The following CCDC66 variants were observed in gnomAD, a reference collection of about 807,000 sequenced individuals.
CCDC66 encodes coiled-coil domain containing 66.
A neutral mutation model predicts 128.3 loss-of-function variants in CCDC66; 133 were observed. The ratio of observed to expected loss-of-function variants is 1.04; its 90% CI spans 0.90 to 1.20. The LOEUF (loss-of-function observed/expected upper bound fraction) is 1.20, where lower values mean the gene tolerates loss of function less well. CCDC66 is among the 50% of genes most tolerant of loss of function. The pLI is 0.00. For synonymous variants in CCDC66, 387 were observed against 357.0 expected (o/e 1.08, Z -0.95); for missense variants, 1,126 against 1,075.5 (o/e 1.05, Z -0.66).
intron 7 of CCDC66, among the ~76,000 whole-genome samples, chr3:56,582,849 TTTATTATTA>T (rs66485521): frequency 0.06 from 8,022 of 134,816 alleles, 286 homozygotes; most frequent in East Asian, 0.1. Context: ...CTCAACTTTC[TTTATTATTA>T]TTATTATTAT....
intron 10 of CCDC66, among the ~76,000 whole-genome samples, chr3:56,602,044 T>C (rs1245530870): frequency 3.3e-5 from 5 of 152,064 alleles, no homozygotes; most frequent in African/African-American, 7.3e-5. Context: ...CCTTGCCTTT[T>C]GCCGTTTTTC....
intron 10 of CCDC66, among the ~76,000 whole-genome samples, chr3:56,596,848 A>G (rs1436413186): frequency 6.9e-6 from 1 of 145,762 alleles, no homozygotes. Flanking sequence ...TCCACCTCCC[A>G]GGTTCAAGCA....
At chr3:56,575,734 T>G (rs889470160) in intron 7 of CCDC66, among the ~76,000 whole-genome samples, 2 of 151,886 alleles carry the variant, frequency 1.3e-5, no homozygotes, top group African/African-American at 4.8e-5. Context: ...GTCTTTGATC[T>G]ATTTTGAATT....
chr3:56,571,260 T>C lies in CCDC66; in HGVS notation c.894T>C (p.Asp298=), dbSNP rs763309882. The change falls in exon 7 of 18, where the codon GAT becomes GAC. Residue 298 remains aspartate (D), a synonymous_variant. Transcript: ENST00000394672. ...WNDPWKKSES[D]KIIWEKHQIL... is the part of the protein sequence containing the mutation. ...ATCCTTGGAAAAAATCTGAAAGTGATAAAATAATATGGGAAAAACATCAAA... is the reference window on the plus strand; with the variant it reads ...ATCCTTGGAAAAAATCTGAAAGTGACAAAATAATATGGGAAAAACATCAAA... 2 of 1,544,360 alleles carry C rather than the reference T, an allele frequency of 1.3e-6. No homozygotes were observed. Among genetic ancestry groups the C allele is most frequent in the South Asian group, 2.4e-5 (2 of 84,436 alleles).
At chr3:56,589,330 C>G (rs1351525097) in intron 7 of CCDC66, among the ~76,000 whole-genome samples, 1 of 152,048 alleles carries the variant, frequency 6.6e-6, no homozygotes, top group Non-Finnish European at 1.5e-5. Context: ...ACTCCAGAAC[C>G]AAATGTGTTT....
Position 56,600,152 on chromosome 3 carries a change from T to C in CCDC66, c.1404+6124T>C, listed in dbSNP as rs2072899735. On this transcript the variant is annotated intron_variant, in intron 10 of 17. Coordinates refer to ENST00000394672, the MANE Select transcript of CCDC66 (RefSeq NM_001141947.3). ...ATAAACATACATGTGCACTTATCTT[T>C]TTTTTTTTTTTTTTTGAGACAGAGT... Among the ~76,000 whole-genome samples, 6 of 53,144 alleles carry C rather than the reference T, an allele frequency of 1.1e-4. No individual in the cohort carries two copies. The South Asian group carries it at 3.1e-3, about 28-fold the overall frequency. The allele number at this position is 53,144 out of a possible 152,430, so 34.9% of individuals were successfully genotyped here.
chr3:56,576,156 TAATG>T (rs1352778519), intron 7 of CCDC66, among the ~76,000 whole-genome samples: 1 of 151,724 alleles, frequency 6.6e-6, no homozygotes, highest in East Asian at 2.0e-4. Context: ...GTCTTCCAAT[TAATG>T]AATGCAGGAT....
intron 7 of CCDC66, among the ~76,000 whole-genome samples, chr3:56,592,303 C>T (rs1249193227): frequency 6.6e-6 from 1 of 152,166 alleles, no homozygotes; most frequent in African/African-American, 2.4e-5. Flanking sequence ...AAATGTAAAA[C>T]AATATTCATC....
chr3:56,571,011 T>G (rs957308556), intron 6 of CCDC66, among the ~76,000 whole-genome samples, 170 bp from the exon 7 acceptor site: 2 of 152,264 alleles, frequency 1.3e-5, no homozygotes, highest in East Asian at 1.9e-4. Flanking sequence ...AAATTTTTTC[T>G]TATTCTGTGT....
rs1448457538 is a variant in CCDC66 at position 56,614,714 on chromosome 3, C to CACAT, written c.1567-413_1567-410dup. ...ACTCCAAAATTGGCTGGTAAAGGGA[C>CACAT]ACATGGTCTGGGTTCCAGTTTCATT... is the stretch of plus-strand genomic sequence containing the variant. On this transcript the variant is annotated intron_variant, in intron 11 of 17. Transcript: ENST00000394672. Among the ~76,000 whole-genome samples, 4 of 152,194 alleles carry CACAT rather than the reference C, an allele frequency of 2.6e-5. No homozygotes were observed. In the South Asian group the frequency reaches 8.3e-4, roughly 31 times the overall value.
intron 17 of CCDC66, chr3:56,620,872 G>C (rs1168944195): frequency 2.6e-5 from 4 of 152,688 alleles, no homozygotes; most frequent in Admixed American, 1.3e-4. Context: ...CTGGATGTTG[G>C]CCAGGAGCAG....
intron 10 of CCDC66, among the ~76,000 whole-genome samples, chr3:56,610,640 G>A (rs1018729216): frequency 2.0e-5 from 3 of 152,218 alleles, no homozygotes; most frequent in South Asian, 2.1e-4. Flanking sequence ...GGGTGTTGAC[G>A]AGCCTTGTTT....
At chr3:56,576,973 C>A (rs2067484885) in intron 7 of CCDC66, among the ~76,000 whole-genome samples, 1 of 151,786 alleles carries the variant, frequency 6.6e-6, no homozygotes, top group Non-Finnish European at 1.5e-5. Flanking sequence ...ATTTCTAGTT[C>A]TAGATCCTTG....
At chr3:56,621,296 G>T (rs1411774964) in intron 17 of CCDC66, 3 of 333,084 alleles carry the variant, frequency 9.0e-6, no homozygotes, top group Non-Finnish European at 1.6e-5. Context: ...GGAGTCTTGA[G>T]TTCTAAGAAA....
At chr3:56,612,337 C>T (rs979758057) in intron 10 of CCDC66, among the ~76,000 whole-genome samples, 3 of 151,988 alleles carry the variant, frequency 2.0e-5, no homozygotes, top group South Asian at 2.1e-4. Context: ...TGCAGTTGTT[C>T]GTGGAGGCTG....
At position 56,617,422 on chromosome 3, in the gene CCDC66, G is replaced by T. The variant is rs1448880892; in HGVS notation, c.2154G>T (p.Lys718Asn). Residue 718 changes from lysine (K) to asparagine (N), a missense_variant, in exon 14 of 18, where the codon AAG becomes AAT. Lys to Asn is a moderately conservative substitution (Grantham distance 94). Transcript: ENST00000394672. ...AAAGGTATATTCCAGCATCAGAAAA[G>T]TACCCTAAACAGCTTCAAAAGCAGA... ...PPKRYIPASEKYPKQLQKQRE... is the reference protein window; with the variant it reads ...PPKRYIPASENYPKQLQKQRE... 6.2e-7 allele frequency: 1 copy of T among 1,613,856 alleles called. No individual in the cohort carries two copies. The highest frequency in any genetic ancestry group is 8.5e-7 in the Non-Finnish European group (1 of 1,179,966).
At chr3:56,574,439 A>G (rs1475296493) in intron 7 of CCDC66, among the ~76,000 whole-genome samples, 1 of 151,772 alleles carries the variant, frequency 6.6e-6, no homozygotes, top group Admixed American at 6.6e-5. Context: ...ATTGAGGGAA[A>G]AGGAATTTGC....
intron 7 of CCDC66, among the ~76,000 whole-genome samples, chr3:56,590,913 G>A (rs967227900): frequency 1.3e-5 from 2 of 152,160 alleles, no homozygotes; most frequent in African/African-American, 4.8e-5. Context: ...AGGATTTAGT[G>A]AGAGGGAATG....
chr3:56,600,215 C>T (rs1368362240), intron 10 of CCDC66, among the ~76,000 whole-genome samples: 2 of 147,706 alleles, frequency 1.4e-5, no homozygotes, highest in Non-Finnish European at 3.0e-5. Flanking sequence ...GTGGTGCAAT[C>T]TCAGCTCACT....
Sources: gnomAD v4.1 joint callset for allele counts (sites outside exome capture counted in the v4.1 genomes callset) on GRCh38, gnomAD v4.1.1 for gene constraint, MANE v1.5 for transcripts, NCBI Gene and HGNC (gene_info 2026-07-23, HGNC 2026-07-21) for gene names.